CELF2: variants seen among roughly 807,000 people sequenced by gnomAD.
The protein encoded by CELF2 is CUGBP Elav-like family member 2.
CELF2 carries 8 observed loss-of-function variants against 62.6 expected under a neutral mutation model. The observed-to-expected ratio is 0.13, with a 90% CI of 0.07 to 0.23. The LOEUF (loss-of-function observed/expected upper bound fraction) is 0.23, where lower values mean the gene tolerates loss of function less well. Ranked by LOEUF, CELF2 falls within the 10% of genes least tolerant of loss-of-function variation. CELF2 has a pLI of 1.00. For missense variants in CELF2, 333 were observed against 671.0 expected, an observed-to-expected ratio of 0.50 and a Z score of 5.56; for synonymous variants, 258 against 250.0, an observed-to-expected ratio of 1.03 and a Z score of -0.30.
chr10:10,701,909 T>C, the CELF2 span, among the ~76,000 whole-genome samples: 4 of 152,216 alleles, frequency 2.6e-5, no homozygotes, highest in Admixed American at 2.6e-4. Flanking sequence ...GAATTAGATT[T>C]AGTCTGAATG....
At chr10:10,869,398 C>CT (rs1161656107) in intron 1 of CELF2, among the ~76,000 whole-genome samples, 1 of 152,058 alleles carries the variant, frequency 6.6e-6, no homozygotes, top group East Asian at 1.9e-4. Context: ...CCCATCTCTA[C>CT]TAAAAATACA....
chr10:10,484,804 A>G, the CELF2 span, among the ~76,000 whole-genome samples: 1 of 152,230 alleles, frequency 6.6e-6, no homozygotes, highest in Non-Finnish European at 1.5e-5. Context: ...ACACAATGAC[A>G]TTCTTAATTA....
chr10:10,581,953 A>C, the CELF2 span, among the ~76,000 whole-genome samples: 1 of 152,090 alleles, frequency 6.6e-6, no homozygotes, highest in Non-Finnish European at 1.5e-5. Flanking sequence ...GCTTGAACCC[A>C]GGAGGCACAG....
chr10:10,497,214 G>GAA, the CELF2 span, among the ~76,000 whole-genome samples: 1,236 of 143,210 alleles, frequency 8.6e-3, 16 homozygotes, highest in African/African-American at 0.03. Context: ...AAGATAAAAA[G>GAA]AAAAAAAAAA....
chr10:11,054,225 A>G (rs1161752503), intron 1 of CELF2, among the ~76,000 whole-genome samples: 3 of 152,204 alleles, frequency 2.0e-5, no homozygotes, highest in Non-Finnish European at 4.4e-5. Context: ...TATAGTGGTA[A>G]TTACAGGATA....
upstream of CELF2, chr10:10,798,606 G>A (rs905584899): frequency 6.6e-5 from 26 of 396,386 alleles, no homozygotes; most frequent in Non-Finnish European, 7.1e-5. Flanking sequence ...GGATTGATTT[G>A]CGGGGTGGAG....
At chr10:11,173,582 G>T (rs1187718700) in intron 2 of CELF2, among the ~76,000 whole-genome samples, 1 of 152,138 alleles carries the variant, frequency 6.6e-6, no homozygotes, top group Non-Finnish European at 1.5e-5. Context: ...AGCATAATTA[G>T]TACTGCTTTT....
chr10:10,860,837 C>T (rs1222004836), intron 1 of CELF2, among the ~76,000 whole-genome samples: 1 of 152,154 alleles, frequency 6.6e-6, no homozygotes, highest in African/African-American at 2.4e-5. Flanking sequence ...TGTTCATGGT[C>T]TGATTAGTTG....
At chr10:10,694,889 TTTGAGCC>T in the CELF2 span, among the ~76,000 whole-genome samples, 1 of 151,302 alleles carries the variant, frequency 6.6e-6, no homozygotes, top group Non-Finnish European at 1.5e-5. Flanking sequence ...ATCCTTTTAT[TTTGAGCC>T]TATGTGTGTC....
At chr10:11,222,486 A>T (rs907033190) in intron 3 of CELF2, among the ~76,000 whole-genome samples, 1 of 152,218 alleles carries the variant, frequency 6.6e-6, no homozygotes, top group Non-Finnish European at 1.5e-5. Context: ...CAACCGAAAC[A>T]TCTGTATGAA....
chr10:10,939,792 A>C (rs1286332744), intron 2 of CELF2, among the ~76,000 whole-genome samples: 1 of 151,776 alleles, frequency 6.6e-6, no homozygotes, highest in Non-Finnish European at 1.5e-5. Flanking sequence ...ATCTCTACTA[A>C]AAATACAAAA....
intron 1 of CELF2, among the ~76,000 whole-genome samples, chr10:11,076,015 C>T (rs1178615502): frequency 6.6e-6 from 1 of 151,836 alleles, no homozygotes; most frequent in African/African-American, 2.4e-5. Flanking sequence ...CAATTAAGAA[C>T]ATTAGTTTAA....
intron 1 of CELF2, among the ~76,000 whole-genome samples, chr10:11,091,168 A>G (rs569571268): frequency 1.1e-4 from 16 of 152,302 alleles, no homozygotes; most frequent in Admixed American, 1.0e-3. Context: ...TCAGCTTCCT[A>G]ACATAACATG....
the CELF2 span, among the ~76,000 whole-genome samples, chr10:10,482,620 G>A: frequency 6.6e-6 from 1 of 152,148 alleles, no homozygotes; most frequent in African/African-American, 2.4e-5. Context: ...TATTGATTAT[G>A]CTTTTTATTT....
At chr10:10,985,904 T>C (rs920623854) in intron 2 of CELF2, among the ~76,000 whole-genome samples, 3 of 152,188 alleles carry the variant, frequency 2.0e-5, no homozygotes, top group African/African-American at 7.2e-5. Context: ...AACCATAGAA[T>C]AGGCATGTGG....
chr10:10,728,100 T>A, the CELF2 span, among the ~76,000 whole-genome samples: 1 of 151,432 alleles, frequency 6.6e-6, no homozygotes, highest in Admixed American at 6.6e-5. Context: ...GAGCTGGATC[T>A]TGAAAAATGA....
At chr10:10,753,373 C>T in the CELF2 span, among the ~76,000 whole-genome samples, 13 of 149,612 alleles carry the variant, frequency 8.7e-5, no homozygotes, top group African/African-American at 2.2e-4. Flanking sequence ...TCTATTTGTG[C>T]GTGTGTGTAA....
the CELF2 span, among the ~76,000 whole-genome samples, chr10:10,539,115 G>T: frequency 6.6e-6 from 1 of 152,176 alleles, no homozygotes; most frequent in Non-Finnish European, 1.5e-5. Context: ...AGTAATTCTT[G>T]AGAATCACTG....
At chr10:10,749,055 C>T in the CELF2 span, among the ~76,000 whole-genome samples, 24 of 152,192 alleles carry the variant, frequency 1.6e-4, no homozygotes, top group East Asian at 1.9e-3. Flanking sequence ...TTTTGCTTTA[C>T]GGGAGATTCG....
Sources: gnomAD v4.1 joint callset for allele counts (sites outside exome capture counted in the v4.1 genomes callset) on GRCh38, gnomAD v4.1.1 for gene constraint, MANE v1.5 for transcripts, NCBI Gene and HGNC (gene_info 2026-07-23, HGNC 2026-07-21) for gene names.